TGFA: variants seen among roughly 807,000 people sequenced by gnomAD.
TGFA encodes the protein protransforming growth factor alpha.
Under a neutral mutation model 21.7 loss-of-function variants are expected in TGFA, and 12 were observed. The ratio of observed to expected loss-of-function variants is 0.55; its 90% CI spans 0.35 to 0.90. The LOEUF (loss-of-function observed/expected upper bound fraction) is 0.90. Ranked by LOEUF, TGFA falls within the 40% of genes least tolerant of loss-of-function variation. TGFA has a pLI of 0.01. For missense variants in TGFA, 178 were observed against 210.8 expected, an observed-to-expected ratio of 0.84 and a Z score of 0.96; for synonymous variants, 79 against 88.1, an observed-to-expected ratio of 0.90 and a Z score of 0.58.
intron 2 of TGFA, among the ~76,000 whole-genome samples, chr2:70,476,546 C>T (rs749981823): frequency 1.3e-5 from 2 of 152,194 alleles, no homozygotes; most frequent in Non-Finnish European, 2.9e-5. Context: ...AACTCTCAAT[C>T]CACCCTTAGG....
chr2:70,453,075 A>G, intron 5 of TGFA, 143 bp downstream of exon 5: 1 of 741,582 alleles, frequency 1.3e-6, no homozygotes, highest in South Asian at 2.1e-5. Context: ...TGAATAAACT[A>G]AACCTGACTT....
At chr2:70,497,101 A>C (rs1163919767) in intron 2 of TGFA, among the ~76,000 whole-genome samples, 1 of 152,226 alleles carries the variant, frequency 6.6e-6, no homozygotes, top group African/African-American at 2.4e-5. Flanking sequence ...GAAGGACATG[A>C]TACATCTGGG....
At chr2:70,487,648 G>T (rs917570133) in intron 2 of TGFA, among the ~76,000 whole-genome samples, 1 of 152,170 alleles carries the variant, frequency 6.6e-6, no homozygotes, top group Non-Finnish European at 1.5e-5. Flanking sequence ...CAGGTTTTGG[G>T]ATTAGGGATG....
intron 2 of TGFA, among the ~76,000 whole-genome samples, chr2:70,509,092 A>T (rs1553500621): frequency 2.0e-5 from 3 of 152,234 alleles, no homozygotes; most frequent in Non-Finnish European, 4.4e-5. Context: ...AAATGAGTGT[A>T]TGTGGTTTTA....
chr2:70,547,150 A>G (rs2103949772), intron 1 of TGFA, among the ~76,000 whole-genome samples: 1 of 152,386 alleles, frequency 6.6e-6, no homozygotes, highest in African/African-American at 2.4e-5. Context: ...ATCGGTTAAT[A>G]TTCCCACAAC....
chr2:70,449,005 A>AACCCACATATCTGGC lies in TGFA; in HGVS notation c.*1839_*1853dup. The AACCCACATATCTGGC allele has an allele frequency of 6.6e-6, 1 of 152,054 alleles. No individual in the cohort carries two copies. Among genetic ancestry groups the AACCCACATATCTGGC allele is most frequent in the African/African-American group, 2.4e-5 (1 of 41,300 alleles). 9.4% of individuals were successfully genotyped at this position (152,054 alleles called of 1,614,324 possible). A position where few individuals can be genotyped will look rare whatever the true frequency, so the allele number is the denominator to read the frequency against. On this transcript the variant is annotated 3_prime_UTR_variant, in exon 6 of 6. Coordinates refer to ENST00000295400, the MANE Select transcript of TGFA (RefSeq NM_003236.4). ...AAGCAGGATGCTACAGTCAAGCCTC[A>AACCCACATATCTGGC]ACCCACATATCTGGCCCAAGGGATG...
chr2:70,463,226 A>C (rs781792343), intron 3 of TGFA, among the ~76,000 whole-genome samples: 1 of 152,142 alleles, frequency 6.6e-6, no homozygotes, highest in Non-Finnish European at 1.5e-5. Context: ...TGAGGGATCC[A>C]TGGTTGCGGT....
At chr2:70,549,764 C>T (rs1383455721) in intron 1 of TGFA, among the ~76,000 whole-genome samples, 2 of 152,144 alleles carry the variant, frequency 1.3e-5, no homozygotes, top group Admixed American at 1.3e-4. Context: ...CATATGTTGC[C>T]ACAGTAACAG....
intron 1 of TGFA, among the ~76,000 whole-genome samples, chr2:70,521,417 C>T (rs1672455499): frequency 6.6e-6 from 1 of 152,124 alleles, no homozygotes; most frequent in Admixed American, 6.5e-5. Flanking sequence ...CTTCTTATGG[C>T]TGCTGACTTT....
intron 1 of TGFA, among the ~76,000 whole-genome samples, chr2:70,520,523 A>G (rs1553502104): frequency 6.6e-6 from 1 of 152,140 alleles, no homozygotes; most frequent in African/African-American, 2.4e-5. Context: ...CCAAAAAAAA[A>G]AAATTGTTAT....
At chr2:70,476,550 C>A (rs1553494430) in intron 2 of TGFA, among the ~76,000 whole-genome samples, 2 of 152,130 alleles carry the variant, frequency 1.3e-5, no homozygotes, top group Non-Finnish European at 2.9e-5. Flanking sequence ...CTCAATCCAC[C>A]CTTAGGAAAA....
chr2:70,526,095 A>G (rs1002502714), intron 1 of TGFA, among the ~76,000 whole-genome samples: 9 of 152,228 alleles, frequency 5.9e-5, no homozygotes, highest in Admixed American at 6.5e-5. Flanking sequence ...GCCACTCATT[A>G]GAGCCTTGAA....
intron 3 of TGFA, among the ~76,000 whole-genome samples, chr2:70,462,762 A>G (rs974310817): frequency 1.3e-5 from 2 of 152,152 alleles, no homozygotes; most frequent in Non-Finnish European, 1.5e-5. Flanking sequence ...TCCCTGGGCC[A>G]TCAAGATCCA....
chr2:70,488,634 T>A (rs1553497075), intron 2 of TGFA, among the ~76,000 whole-genome samples: 1 of 152,084 alleles, frequency 6.6e-6, no homozygotes, highest in African/African-American at 2.4e-5. Flanking sequence ...TACCCCTCAT[T>A]TTTTTGAAAA....
chr2:70,543,584 G>A (rs1237949867), intron 1 of TGFA, among the ~76,000 whole-genome samples: 3 of 151,236 alleles, frequency 2.0e-5, no homozygotes, highest in Admixed American at 2.0e-4. Flanking sequence ...TACAAAAAAT[G>A]TTTCTTTAAT....
chr2:70,469,384 G>A (rs904152519), intron 2 of TGFA, among the ~76,000 whole-genome samples: 2 of 151,750 alleles, frequency 1.3e-5, no homozygotes, highest in Non-Finnish European at 2.9e-5. Context: ...ATCCAGGCTG[G>A]AGTGCAGTGG....
intron 2 of TGFA, among the ~76,000 whole-genome samples, chr2:70,509,189 G>A (rs1414114604): frequency 6.6e-6 from 1 of 152,204 alleles, no homozygotes; most frequent in Non-Finnish European, 1.5e-5. Context: ...TAGAAAACAT[G>A]AGCCTTCTAA....
chr2:70,506,307 G>T (rs901132490), intron 2 of TGFA, among the ~76,000 whole-genome samples: 1 of 152,210 alleles, frequency 6.6e-6, no homozygotes, highest in Non-Finnish European at 1.5e-5. Context: ...AGAACTTGGG[G>T]GATGGAGAAG....
At chr2:70,515,252 A>C (rs1471960348) in intron 1 of TGFA, among the ~76,000 whole-genome samples, 5 of 152,206 alleles carry the variant, frequency 3.3e-5, no homozygotes, top group Non-Finnish European at 7.3e-5. Flanking sequence ...AATATACGTA[A>C]CATAAAATTT....
Sources: gnomAD v4.1 joint callset for allele counts (sites outside exome capture counted in the v4.1 genomes callset) on GRCh38, gnomAD v4.1.1 for gene constraint, MANE v1.5 for transcripts, NCBI Gene and HGNC (gene_info 2026-07-23, HGNC 2026-07-21) for gene names.